Variants in PPARGC1A observed in about 807,000 individuals in gnomAD.
PPARGC1A encodes peroxisome proliferator-activated receptor gamma coactivator 1-alpha.
A neutral mutation model predicts 88.7 loss-of-function variants in PPARGC1A; 25 were observed. The ratio of observed to expected loss-of-function variants is 0.28; its 90% confidence interval spans 0.21 to 0.39. PPARGC1A has a LOEUF of 0.39. Ranked by LOEUF, PPARGC1A falls within the 10% of genes least tolerant of loss-of-function variation. The pLI is 1.00. For missense variants in PPARGC1A, 880 were observed against 968.7 expected (o/e 0.91, Z 1.22); for synonymous variants, 363 against 355.6 (o/e 1.02, Z -0.24).
upstream of PPARGC1A, among the ~76,000 whole-genome samples, chr4:23,907,675 G>C (rs1297126248): frequency 6.6e-6 from 1 of 152,210 alleles, no homozygotes; most frequent in East Asian, 1.9e-4. Flanking sequence ...TGTAGATGAG[G>C]AGCCTTTTAG....
the PPARGC1A span, among the ~76,000 whole-genome samples, chr4:24,227,777 C>A: frequency 5.9e-5 from 9 of 152,138 alleles, no homozygotes; most frequent in Non-Finnish European, 2.9e-5. Flanking sequence ...GAGAGAAAAT[C>A]AGACATTAAT....
chr4:24,423,000 G>A, the PPARGC1A span, among the ~76,000 whole-genome samples: 2 of 152,306 alleles, frequency 1.3e-5, no homozygotes, highest in East Asian at 3.9e-4. Flanking sequence ...CCCCTATTAT[G>A]CTGTTACAGA....
At chr4:23,824,188 A>T in intron 7 of PPARGC1A, 92 bp downstream of exon 7, 1 of 1,014,634 alleles carries the variant, frequency 9.9e-7, no homozygotes, top group Non-Finnish European at 1.5e-6. Flanking sequence ...TAATTTCATT[A>T]ACCACATAGA....
At chr4:24,003,217 C>T in the PPARGC1A span, among the ~76,000 whole-genome samples, 23,064 of 152,142 alleles carry the variant, frequency 0.15, 2,517 homozygotes, top group Admixed American at 0.33. Context: ...AACACACATC[C>T]TCTAATCCAG....
the PPARGC1A span, among the ~76,000 whole-genome samples, chr4:23,941,592 G>A: frequency 6.6e-6 from 1 of 152,106 alleles, no homozygotes; most frequent in Non-Finnish European, 1.5e-5. Context: ...ACTCATTTGG[G>A]AAAAGAGAAT....
chr4:24,350,201 A>C, the PPARGC1A span, among the ~76,000 whole-genome samples: 1 of 152,132 alleles, frequency 6.6e-6, no homozygotes, highest in African/African-American at 2.4e-5. Context: ...GGGTCCTGTC[A>C]GGATTGCTGG....
chr4:24,139,564 T>C, the PPARGC1A span, among the ~76,000 whole-genome samples: 2 of 152,148 alleles, frequency 1.3e-5, no homozygotes, highest in Non-Finnish European at 2.9e-5. Flanking sequence ...ATTGATGCCA[T>C]ATCATCCAAA....
chr4:23,840,884 T>C (rs1366798282), intron 2 of PPARGC1A, among the ~76,000 whole-genome samples: 2 of 152,140 alleles, frequency 1.3e-5, no homozygotes, highest in Non-Finnish European at 2.9e-5. Flanking sequence ...AGGCTATGAT[T>C]CAAAATTATC....
At chr4:24,070,013 G>A in the PPARGC1A span, among the ~76,000 whole-genome samples, 11 of 152,136 alleles carry the variant, frequency 7.2e-5, no homozygotes, top group Non-Finnish European at 1.5e-4. Flanking sequence ...TGACTTCCCT[G>A]AGTGTCACTT....
At chr4:24,103,072 C>T in the PPARGC1A span, among the ~76,000 whole-genome samples, 1 of 152,146 alleles carries the variant, frequency 6.6e-6, no homozygotes, top group African/African-American at 2.4e-5. Flanking sequence ...AAAATGTTGA[C>T]CAGCTGCAAC....
chr4:24,310,079 A>G, the PPARGC1A span, among the ~76,000 whole-genome samples: 1 of 152,188 alleles, frequency 6.6e-6, no homozygotes, highest in Non-Finnish European at 1.5e-5. Flanking sequence ...TATTTCGCAA[A>G]GAGAAATTTT....
At chr4:24,178,495 A>G in the PPARGC1A span, among the ~76,000 whole-genome samples, 31 of 152,308 alleles carry the variant, frequency 2.0e-4, no homozygotes, top group Non-Finnish European at 3.7e-4. Context: ...GAAGACCTGT[A>G]TTTATTTTTT....
chr4:24,116,955 C>A, the PPARGC1A span, among the ~76,000 whole-genome samples: 4 of 152,062 alleles, frequency 2.6e-5, no homozygotes, highest in African/African-American at 9.7e-5. Context: ...CAACTGGGTT[C>A]TCTCTTGACC....
chr4:23,923,375 A>G, the PPARGC1A span, among the ~76,000 whole-genome samples: 3 of 152,114 alleles, frequency 2.0e-5, no homozygotes, highest in African/African-American at 7.2e-5. Context: ...CAACCTGTTC[A>G]CGTGCTCAAT....
At chr4:23,981,802 C>T in the PPARGC1A span, among the ~76,000 whole-genome samples, 6 of 152,070 alleles carry the variant, frequency 3.9e-5, no homozygotes, top group South Asian at 2.1e-4. Flanking sequence ...GATCACAAAG[C>T]GATCTTTAGT....
the PPARGC1A span, among the ~76,000 whole-genome samples, chr4:24,300,543 A>G: frequency 1.3e-5 from 2 of 151,704 alleles, no homozygotes; most frequent in Admixed American, 6.6e-5. Context: ...AAACTTTTTC[A>G]CCTTTGGCAG....
At chr4:24,387,810 A>AG in the PPARGC1A span, among the ~76,000 whole-genome samples, 4 of 108,398 alleles carry the variant, frequency 3.7e-5, no homozygotes, top group East Asian at 1.1e-3. Context: ...GAAAGAAAGA[A>AG]AGAAAGAAAG....
the PPARGC1A span, among the ~76,000 whole-genome samples, chr4:24,007,471 C>T: frequency 9.2e-5 from 14 of 152,086 alleles, no homozygotes; most frequent in Admixed American, 5.9e-4. Context: ...GAGAGGTGCA[C>T]GGTGCTATGA....
Position 23,814,318 on chromosome 4 carries a change from A to C in PPARGC1A, c.1165T>G (p.Ser389Ala). 1 of 1,614,044 alleles carries C rather than the reference A, an allele frequency of 6.2e-7. No individual in the cohort carries two copies. The highest frequency in any genetic ancestry group is 8.5e-7 in the Non-Finnish European group (1 of 1,179,996). The change falls in exon 8 of 13, where the codon TCA becomes GCA. Residue 389 changes from serine to alanine, a missense_variant. By Grantham distance (99) the Ser-to-Ala change is moderately conservative (BLOSUM62 1). Coordinates refer to ENST00000264867, the MANE Select transcript of PPARGC1A (RefSeq NM_013261.5). ...AGTATTTCTGTTTTGGAATTAATTG[A>C]CTGGCAATAGTCATGGTCACCAAAC... ...RLFGDHDYCQ[S>A]INSKTEILIN...
Sources: gnomAD v4.1 joint callset for allele counts (sites outside exome capture counted in the v4.1 genomes callset) on GRCh38, gnomAD v4.1.1 for gene constraint, MANE v1.5 for transcripts, NCBI Gene and HGNC (gene_info 2026-07-23, HGNC 2026-07-21) for gene names.